The following KCNJ6 variants were observed in gnomAD, a reference collection of about 807,000 sequenced individuals.
KCNJ6 encodes potassium inwardly rectifying channel subfamily J member 6.
KCNJ6 carries 9 observed loss-of-function variants against 34.2 expected under a neutral mutation model. The observed-to-expected ratio is 0.26, with a 90% confidence interval of 0.16 to 0.46. The LOEUF is 0.46. KCNJ6 is among the 20% of genes least tolerant of loss of function. KCNJ6 has a pLI of 1.00. For synonymous variants in KCNJ6, 196 were observed against 207.1 expected, an observed-to-expected ratio of 0.95 and a Z score of 0.46; for missense variants, 236 against 531.3, an observed-to-expected ratio of 0.44 and a Z score of 5.46.
chr21:37,758,800 TTTTG>T (rs1448513743), intron 2 of KCNJ6, among the ~76,000 whole-genome samples: 1 of 152,098 alleles, frequency 6.6e-6, no homozygotes, highest in East Asian at 1.9e-4. Context: ...CTGCCTACTT[TTTTG>T]TTTTTTTGTA....
At chr21:37,877,839 G>T (rs2055686494) in intron 1 of KCNJ6, among the ~76,000 whole-genome samples, 3 of 152,240 alleles carry the variant, frequency 2.0e-5, no homozygotes, top group Admixed American at 2.0e-4. Context: ...CAGAACAAAA[G>T]TGGGTGTATA....
chr21:37,663,841 A>G (rs1489361386), intron 3 of KCNJ6, among the ~76,000 whole-genome samples: 1 of 152,242 alleles, frequency 6.6e-6, no homozygotes, highest in Non-Finnish European at 1.5e-5. Context: ...GAATATACGC[A>G]TACCTATGAA....
At chr21:37,739,693 A>G (rs965304195) in intron 2 of KCNJ6, among the ~76,000 whole-genome samples, 5 of 151,994 alleles carry the variant, frequency 3.3e-5, no homozygotes, top group African/African-American at 1.2e-4. Context: ...CTAATAACCC[A>G]ATTTGTGCCT....
intron 2 of KCNJ6, among the ~76,000 whole-genome samples, chr21:37,778,377 A>G (rs1274436707): frequency 6.6e-6 from 1 of 152,188 alleles, no homozygotes; most frequent in East Asian, 1.9e-4. Flanking sequence ...ACCTCTTAAT[A>G]GACAACTGTA....
At chr21:37,859,716 TTTAC>T (rs1373578890) in intron 1 of KCNJ6, among the ~76,000 whole-genome samples, 55 of 151,204 alleles carry the variant, frequency 3.6e-4, no homozygotes, top group African/African-American at 1.3e-3. Context: ...ATTTCATTGA[TTTAC>T]TTGTGTCTGA....
At chr21:37,660,726 C>T (rs1333249436) in intron 3 of KCNJ6, among the ~76,000 whole-genome samples, 1 of 152,156 alleles carries the variant, frequency 6.6e-6, no homozygotes, top group Non-Finnish European at 1.5e-5. Context: ...ATGCTCACCA[C>T]CAGGGCTGGA....
rs2055544018 is a variant in KCNJ6, at chr21:37,852,822, AT to A, written c.-27-12114del. Among the ~76,000 whole-genome samples the A allele has an allele frequency of 2.6e-5, 4 of 152,338 alleles. No individual in the cohort carries two copies. In the South Asian group the frequency reaches 8.3e-4, roughly 32 times the overall value. ...AACAAATAGTAAGCCTCAGCAAAAA[AT>A]CAGCACTTATGGAGAAGAACTGGAA... On this transcript the variant is annotated intron_variant, in intron 1 of 3. Transcript: ENST00000609713.
At chr21:37,733,811 G>A (rs2054898652) in intron 2 of KCNJ6, among the ~76,000 whole-genome samples, 1 of 152,202 alleles carries the variant, frequency 6.6e-6, no homozygotes, top group Non-Finnish European at 1.5e-5. Flanking sequence ...TGTTTTGTGA[G>A]TGTTGCATTT....
At chr21:37,629,440 T>C (rs543912901) in intron 3 of KCNJ6, among the ~76,000 whole-genome samples, 17 of 152,286 alleles carry the variant, frequency 1.1e-4, no homozygotes, top group Admixed American at 1.0e-3. Context: ...TAATCTCCGG[T>C]ATTTCAGAAT....
intron 2 of KCNJ6, among the ~76,000 whole-genome samples, chr21:37,757,741 C>T (rs1047711415): frequency 6.6e-6 from 1 of 152,262 alleles, no homozygotes; most frequent in African/African-American, 2.4e-5. Context: ...GTGCTGATCT[C>T]ATTTGTTGCC....
intron 1 of KCNJ6, among the ~76,000 whole-genome samples, chr21:37,852,895 T>C (rs2055544385): frequency 6.6e-6 from 1 of 151,746 alleles, no homozygotes; most frequent in Non-Finnish European, 1.5e-5. Context: ...AAAAACTCAA[T>C]CGATGGGCTG....
chr21:37,715,257 A>T, intron 2 of KCNJ6, 126 bp from the exon 3 acceptor site: 1 of 813,650 alleles, frequency 1.2e-6, no homozygotes. Context: ...AACAAAGTAG[A>T]CAAAGCCATT....
intron 3 of KCNJ6, among the ~76,000 whole-genome samples, chr21:37,630,911 A>G (rs925276619): frequency 1.3e-5 from 2 of 151,970 alleles, no homozygotes; most frequent in Non-Finnish European, 2.9e-5. Flanking sequence ...TGCCCTTCCC[A>G]TAGTAAAATG....
chr21:37,720,929 G>A (rs541288496), intron 2 of KCNJ6, among the ~76,000 whole-genome samples: 64 of 151,254 alleles, frequency 4.2e-4, no homozygotes, highest in Non-Finnish European at 8.3e-4. Flanking sequence ...GGATGGTCTC[G>A]ATCTCCTGAC....
At chr21:37,636,785 G>C (rs2054359873) in intron 3 of KCNJ6, among the ~76,000 whole-genome samples, 1 of 152,216 alleles carries the variant, frequency 6.6e-6, no homozygotes, top group Non-Finnish European at 1.5e-5. Context: ...GGAGAAGTTT[G>C]TGTGCAGAAT....
intron 1 of KCNJ6, among the ~76,000 whole-genome samples, chr21:37,873,318 T>C (rs1322684437): frequency 6.6e-6 from 1 of 152,184 alleles, no homozygotes; most frequent in Non-Finnish European, 1.5e-5. Flanking sequence ...CAGTAAATCC[T>C]CACAGTGACT....
intron 2 of KCNJ6, among the ~76,000 whole-genome samples, chr21:37,818,097 A>G (rs987851942): frequency 6.6e-6 from 1 of 152,046 alleles, no homozygotes; most frequent in Non-Finnish European, 1.5e-5. Flanking sequence ...TCTGCCCCCA[A>G]ACATTCCCCA....
At chr21:37,682,093 G>C (rs1443744893) in intron 3 of KCNJ6, among the ~76,000 whole-genome samples, 2 of 152,224 alleles carry the variant, frequency 1.3e-5, no homozygotes, top group Non-Finnish European at 2.9e-5. Context: ...CAATAGAAGG[G>C]GAGGGGTGGC....
chr21:37,827,358 CAAT>C (rs1421112487), intron 2 of KCNJ6, among the ~76,000 whole-genome samples: 1 of 152,152 alleles, frequency 6.6e-6, no homozygotes, highest in African/African-American at 2.4e-5. Context: ...ACTCTGGCAA[CAAT>C]GAGATTTCAG....
Sources: gnomAD v4.1 joint callset for allele counts (sites outside exome capture counted in the v4.1 genomes callset) on GRCh38, gnomAD v4.1.1 for gene constraint, MANE v1.5 for transcripts, NCBI Gene and HGNC (gene_info 2026-07-23, HGNC 2026-07-21) for gene names.